C12orf54: variants seen among roughly 807,000 people sequenced by gnomAD.
C12orf54 encodes chromosome 12 open reading frame 54, also known as uncharacterized protein C12orf54.
A neutral mutation model predicts 26.4 loss-of-function variants in C12orf54; 24 were observed. The observed-to-expected ratio is 0.91, with a 90% CI of 0.66 to 1.28. The LOEUF (loss-of-function observed/expected upper bound fraction) is 1.28. Ranked by LOEUF, C12orf54 falls within the 50% of genes most tolerant of loss-of-function variation. The probability of loss-of-function intolerance (pLI) is 0.00; values close to 1 mark genes in which losing one functional copy is unlikely to be tolerated. For synonymous variants in C12orf54, 54 were observed against 47.0 expected (o/e 1.15, Z -0.61); for missense variants, 154 against 150.9 (o/e 1.02, Z -0.11).
chr12:48,493,240 A>G (rs1278187548), intron 7 of C12orf54, among the ~76,000 whole-genome samples: 1 of 152,200 alleles, frequency 6.6e-6, no homozygotes, highest in Admixed American at 6.5e-5. Context: ...GAACCTCACC[A>G]TAAGAGATTG....
At chr12:48,473,128 C>T in the C12orf54 span, 1 of 1,608,690 alleles carries the variant, frequency 6.2e-7, no homozygotes, top group Non-Finnish European at 8.5e-7. Flanking sequence ...GACAAGGAGG[C>T]CCCTAACTCG....
At chr12:48,436,691 T>C in the C12orf54 span, among the ~76,000 whole-genome samples, 4 of 152,196 alleles carry the variant, frequency 2.6e-5, no homozygotes, top group South Asian at 6.2e-4. Context: ...GAAATAAAGA[T>C]GTTCTTTGAA....
chr12:48,414,852 C>G, the C12orf54 span, among the ~76,000 whole-genome samples: 2 of 152,142 alleles, frequency 1.3e-5, no homozygotes, highest in Non-Finnish European at 2.9e-5. Context: ...GGGGCCTCCT[C>G]AGGTTTGGCA....
chr12:48,473,971 T>G, the C12orf54 span, among the ~76,000 whole-genome samples: 21 of 152,200 alleles, frequency 1.4e-4, no homozygotes, highest in Non-Finnish European at 2.4e-4. Flanking sequence ...CTTTTCCCCC[T>G]TCACAGATCG....
chr12:48,469,500 A>G, the C12orf54 span, among the ~76,000 whole-genome samples: 5 of 151,948 alleles, frequency 3.3e-5, no homozygotes, highest in African/African-American at 1.2e-4. Flanking sequence ...TAGGATGCCC[A>G]GATTTCATAT....
At chr12:48,435,952 G>T in the C12orf54 span, among the ~76,000 whole-genome samples, 17 of 152,178 alleles carry the variant, frequency 1.1e-4, no homozygotes, top group East Asian at 3.9e-4. Context: ...CAATTAAAGG[G>T]CACAGACTGG....
chr12:48,464,715 A>C, the C12orf54 span, among the ~76,000 whole-genome samples: 4 of 152,194 alleles, frequency 2.6e-5, no homozygotes, highest in African/African-American at 9.6e-5. Flanking sequence ...CTGGTACAAA[A>C]ACAGACACAT....
chr12:48,425,329 C>G, the C12orf54 span, among the ~76,000 whole-genome samples: 7 of 152,128 alleles, frequency 4.6e-5, no homozygotes, highest in African/African-American at 1.7e-4. Flanking sequence ...TGAAAACATG[C>G]AGTATTTGGT....
At chr12:48,488,997 C>T (rs1937723231) in intron 5 of C12orf54, 41 bp downstream of exon 5, 1 of 1,591,016 alleles carries the variant, frequency 6.3e-7, no homozygotes, top group Non-Finnish European at 8.6e-7. Context: ...CCAGCCCCAT[C>T]ATGTGCCTTG....
intron 6 of C12orf54, among the ~76,000 whole-genome samples, 182 bp downstream of exon 6, chr12:48,491,018 T>C (rs1937778587): frequency 6.6e-6 from 1 of 152,182 alleles, no homozygotes; most frequent in Non-Finnish European, 1.5e-5. Flanking sequence ...CATGTTCTCT[T>C]TTCTTCCCCT....
the C12orf54 span, among the ~76,000 whole-genome samples, chr12:48,433,278 G>T: frequency 1.3e-5 from 2 of 152,156 alleles, no homozygotes; most frequent in Admixed American, 1.3e-4. Context: ...CCAGAACTAG[G>T]CTCACCAGGA....
intron 6 of C12orf54, among the ~76,000 whole-genome samples, chr12:48,491,568 T>A (rs1937791331): frequency 6.6e-6 from 1 of 152,112 alleles, no homozygotes; most frequent in Admixed American, 6.6e-5. Context: ...ATGATTCTTG[T>A]CTGTAAAGAC....
chr12:48,435,724 C>T, the C12orf54 span, among the ~76,000 whole-genome samples: 2 of 152,140 alleles, frequency 1.3e-5, no homozygotes, highest in African/African-American at 2.4e-5. Flanking sequence ...GAGATTTTGT[C>T]ACCAAGCCTG....
At chr12:48,473,773 T>G in the C12orf54 span, 1 of 173,960 alleles carries the variant, frequency 5.7e-6, no homozygotes, top group African/African-American at 2.4e-5. Flanking sequence ...TCAGGTTGGG[T>G]GGAAGTCCGC....
chr12:48,421,628 C>G, the C12orf54 span, among the ~76,000 whole-genome samples: 1 of 141,262 alleles, frequency 7.1e-6, no homozygotes, highest in African/African-American at 2.6e-5. Context: ...CTCCCCAGTT[C>G]AAGCGATTAT....
chr12:48,473,135 C>T, the C12orf54 span: 5 of 1,605,816 alleles, frequency 3.1e-6, no homozygotes, highest in Admixed American at 3.3e-5. Flanking sequence ...AGGCCCCTAA[C>T]TCGGATGGTG....
At chr12:48,489,121 C>T (rs561672754) in intron 5 of C12orf54, 165 bp downstream of exon 5, 31 of 794,938 alleles carry the variant, frequency 3.9e-5, no homozygotes, top group South Asian at 1.1e-4. Flanking sequence ...TCAGTCCAGG[C>T]GGCTAAGGCA....
chr12:48,476,711 A>G, the C12orf54 span, among the ~76,000 whole-genome samples: 2 of 148,676 alleles, frequency 1.3e-5, no homozygotes, highest in African/African-American at 2.6e-5. Context: ...CTAAATATAT[A>G]TGCACCCAAT....
chr12:48,473,760 G>A, the C12orf54 span: 1 of 170,994 alleles, frequency 5.8e-6, no homozygotes, highest in Non-Finnish European at 1.3e-5. Flanking sequence ...TATTTTCCAA[G>A]TCTCAGGTTG....
Sources: allele counts gnomAD v4.1 joint callset (sites outside exome capture counted in the v4.1 genomes callset), GRCh38; gene constraint gnomAD v4.1.1; transcripts MANE v1.5; gene names NCBI Gene and HGNC (gene_info 2026-07-23, HGNC 2026-07-21).